ADAM22: variants seen among roughly 807,000 people sequenced by gnomAD.
ADAM22 encodes ADAM metallopeptidase domain 22.
ADAM22 carries 65 observed loss-of-function variants against 144.6 expected under a neutral mutation model. That is an observed-to-expected ratio of 0.45 (90% CI 0.37 to 0.55). The LOEUF is 0.55. ADAM22 is among the 20% of genes least tolerant of loss of function. The pLI is 0.00. For missense variants in ADAM22, 974 were observed against 1,184.9 expected, an observed-to-expected ratio of 0.82 and a Z score of 2.61; for synonymous variants, 391 against 412.6, an observed-to-expected ratio of 0.95 and a Z score of 0.63.
chr7:88,186,713 A>G lies in ADAM22; in HGVS notation c.2750+12A>G. ...GGACCATACTTTAGGTATTTTATAA[A>G]TTAATTTTTATATCCTTCTCAAACT... On this transcript the variant is annotated intron_variant, in intron 30 of 31. Transcript: ENST00000413139. 2 of 1,489,544 alleles carry G rather than the reference A, an allele frequency of 1.3e-6. No individual in the cohort carries two copies. Among genetic ancestry groups the G allele is most frequent in the African/African-American group, 1.4e-5 (1 of 72,102 alleles). 92.3% of individuals were successfully genotyped at this position (1,489,544 alleles called of 1,614,324 possible).
At chr7:88,176,928 C>T (rs1845817800) in intron 26 of ADAM22, among the ~76,000 whole-genome samples, 1 of 152,088 alleles carries the variant, frequency 6.6e-6, no homozygotes, top group South Asian at 2.1e-4. Context: ...CCACACCCAG[C>T]TAATTTTTGT....
chr7:88,018,702 T>C (rs1186232152), intron 3 of ADAM22, among the ~76,000 whole-genome samples: 10 of 152,228 alleles, frequency 6.6e-5, no homozygotes, highest in Non-Finnish European at 1.5e-4. Flanking sequence ...GTATGTTCGC[T>C]TCCTATTTTA....
chr7:88,175,020 G>A (rs1014932113), intron 26 of ADAM22, among the ~76,000 whole-genome samples: 3 of 152,086 alleles, frequency 2.0e-5, no homozygotes, highest in Non-Finnish European at 2.9e-5. Context: ...CCAAGCATTG[G>A]AGAAATGCCT....
At chr7:87,954,663 G>A (rs1434374965) in intron 2 of ADAM22, among the ~76,000 whole-genome samples, 5 of 152,200 alleles carry the variant, frequency 3.3e-5, no homozygotes, top group African/African-American at 7.2e-5. Flanking sequence ...GGCATTCTCT[G>A]TATTTCCTGA....
At chr7:88,082,757 T>G (rs1169150117) in intron 4 of ADAM22, among the ~76,000 whole-genome samples, 1 of 152,088 alleles carries the variant, frequency 6.6e-6, no homozygotes, top group African/African-American at 2.4e-5. Flanking sequence ...TCACTGGCCA[T>G]CAGAGAAATG....
intron 3 of ADAM22, among the ~76,000 whole-genome samples, chr7:88,021,970 T>C (rs1404870435): frequency 6.6e-6 from 1 of 152,074 alleles, no homozygotes; most frequent in African/African-American, 2.4e-5. Flanking sequence ...ACTCCAGGGC[T>C]CAAGTGATCC....
intron 2 of ADAM22, among the ~76,000 whole-genome samples, chr7:87,935,460 C>T (rs1487287223): frequency 6.6e-6 from 1 of 152,140 alleles, no homozygotes; most frequent in African/African-American, 2.4e-5. Flanking sequence ...GCGGAGAGCC[C>T]TCTGACATCT....
At chr7:88,104,264 A>G (rs1823771169) in intron 4 of ADAM22, among the ~76,000 whole-genome samples, 1 of 152,190 alleles carries the variant, frequency 6.6e-6, no homozygotes, top group Admixed American at 6.6e-5. Flanking sequence ...CAGTGTACAC[A>G]GTATAAAACT....
chr7:88,011,563 ACTGCGTTTTTGTTCTTC>A (rs1795427321), intron 3 of ADAM22, among the ~76,000 whole-genome samples: 2 of 151,640 alleles, frequency 1.3e-5, no homozygotes, highest in East Asian at 3.9e-4. Context: ...AAAGAAAAAC[ACTGCGTTTTTGTTCTTC>A]CTGCATTTTT....
Position 88,148,969 on chromosome 7 carries a change from C to T in ADAM22, c.1486-8C>T, listed in dbSNP as rs371711603. The T allele has an allele frequency of 5.9e-5, 95 of 1,597,602 alleles. No individual in the cohort carries two copies. Among genetic ancestry groups the T allele is most frequent in the Non-Finnish European group, 7.3e-5 (86 of 1,170,972 alleles). On this transcript the variant is annotated splice_region_variant and splice_polypyrimidine_tract_variant and intron_variant, in intron 17 of 31. Coordinates refer to ENST00000413139, the MANE Select transcript of ADAM22 (RefSeq NM_001324418.2). ...ACAGTTTCACACGTTGATTTTTGTT[C>T]ATTTTAGTTTCAGCCTATGGGCACT...
intron 4 of ADAM22, among the ~76,000 whole-genome samples, chr7:88,099,166 G>A (rs1334121252): frequency 6.6e-6 from 1 of 152,156 alleles, no homozygotes; most frequent in Non-Finnish European, 1.5e-5. Flanking sequence ...ATTTTTAGGG[G>A]AAGATGGAAA....
Position 88,038,940 on chromosome 7 carries a change from C to T in ADAM22, c.324-36686C>T, listed in dbSNP as rs545260233. Among the ~76,000 whole-genome samples, 20 of 151,940 alleles carry T rather than the reference C, an allele frequency of 1.3e-4. No individual in the cohort carries two copies. The East Asian group carries it at 3.5e-3, about 27-fold the overall frequency. On this transcript the variant is annotated intron_variant, in intron 3 of 31. Coordinates refer to ENST00000413139, the MANE Select transcript of ADAM22 (RefSeq NM_001324418.2). ...GGACTATAGGCATGTGAGGCCATGC[C>T]TGGCTAATTTTTTAGTTTTTTGTAG... is the stretch of plus-strand genomic sequence containing the variant.
At chr7:88,001,045 T>C (rs1792424496) in intron 3 of ADAM22, among the ~76,000 whole-genome samples, 1 of 152,202 alleles carries the variant, frequency 6.6e-6, no homozygotes, top group Non-Finnish European at 1.5e-5. Flanking sequence ...AGAATTGAGA[T>C]TGGTTAGATT....
At chr7:88,006,778 A>C (rs980541852) in intron 3 of ADAM22, among the ~76,000 whole-genome samples, 1 of 150,582 alleles carries the variant, frequency 6.6e-6, no homozygotes, top group Non-Finnish European at 1.5e-5. Flanking sequence ...GTCTATGACA[A>C]ACCCACAGCC....
At chr7:88,018,855 C>T (rs1305542195) in intron 3 of ADAM22, among the ~76,000 whole-genome samples, 1 of 152,154 alleles carries the variant, frequency 6.6e-6, no homozygotes, top group Non-Finnish European at 1.5e-5. Flanking sequence ...AAATTGCATA[C>T]TTAATTTCTG....
chr7:88,020,643 G>A (rs1466861788), intron 3 of ADAM22, among the ~76,000 whole-genome samples: 1 of 152,104 alleles, frequency 6.6e-6, no homozygotes, highest in African/African-American at 2.4e-5. Flanking sequence ...TTAAACCTTT[G>A]ACCTCTTCCA....
At chr7:87,934,792 G>A (rs1265386712) in intron 1 of ADAM22, 1 of 670,404 alleles carries the variant, frequency 1.5e-6, no homozygotes. Flanking sequence ...GGAATGGGGA[G>A]AATGGGAAAG....
chr7:88,153,301 G>A lies in ADAM22; in HGVS notation c.1762G>A (p.Asp588Asn). 1 of 1,613,358 alleles carries A rather than the reference G, an allele frequency of 6.2e-7. No individual in the cohort carries two copies. The highest frequency in any genetic ancestry group is 8.5e-7 in the Non-Finnish European group (1 of 1,179,606). ...TEKGNCGKDK[D>N]TWIQCNKRDV... ...GAAGGGTAACTGTGGGAAAGACAAA[G>A]ACACATGGATACAGTGCAACAAACG... The change falls in exon 21 of 32, where the codon GAC becomes AAC. Residue 588 changes from aspartate (D) to asparagine (N), a missense_variant. By Grantham distance (23) the Asp-to-Asn change is conservative. Around this residue, in one of 2 missense-constraint regions of ADAM22, gnomAD observed 734 missense variants for 950.6 expected, o/e 0.77. Coordinates refer to ENST00000413139, the MANE Select transcript of ADAM22 (RefSeq NM_001324418.2).
At chr7:87,958,006 G>A (rs1007954700) in intron 2 of ADAM22, among the ~76,000 whole-genome samples, 2 of 151,944 alleles carry the variant, frequency 1.3e-5, no homozygotes, top group Non-Finnish European at 2.9e-5. Flanking sequence ...TAAATTTTTT[G>A]ATCTCTTATG....
Sources: gnomAD v4.1 joint callset for allele counts (sites outside exome capture counted in the v4.1 genomes callset) on GRCh38, gnomAD v4.1.1 for gene constraint, gnomAD v4.1.1 regional missense constraint, MANE v1.5 for transcripts, NCBI Gene and HGNC (gene_info 2026-07-23, HGNC 2026-07-21) for gene names.